Variants in PHF21B observed in about 807,000 individuals in gnomAD.
PHF21B encodes PHD finger protein 4.
PHF21B carries 22 observed loss-of-function variants against 62.2 expected under a neutral mutation model. The ratio of observed to expected loss-of-function variants is 0.35; its 90% CI spans 0.25 to 0.51. PHF21B has a LOEUF of 0.51. PHF21B is among the 20% of genes least tolerant of loss of function. The pLI, the probability that PHF21B is intolerant of heterozygous loss-of-function variation, is 0.97. For missense variants in PHF21B, 701 were observed against 707.9 expected, an observed-to-expected ratio of 0.99 and a Z score of 0.11; for synonymous variants, 341 against 314.7, an observed-to-expected ratio of 1.08 and a Z score of -0.88.
intron 3 of PHF21B, among the ~76,000 whole-genome samples, chr22:44,918,857 T>C (rs2071485492): frequency 6.6e-6 from 1 of 152,218 alleles, no homozygotes; most frequent in African/African-American, 2.4e-5. Flanking sequence ...CCCTGGAGCC[T>C]GCCTTGCTCT....
chr22:44,926,052 C>T (rs188011916), intron 2 of PHF21B, among the ~76,000 whole-genome samples: 11 of 148,102 alleles, frequency 7.4e-5, no homozygotes, highest in Admixed American at 3.4e-4. Context: ...CCACGTGGCC[C>T]GGCCTGCAGT....
At position 44,882,842 on chromosome 22, in the gene PHF21B, C is replaced by T. The variant is rs41278899; in HGVS notation, c.*244G>A. 2 of 489,622 alleles carry T rather than the reference C, an allele frequency of 4.1e-6. No individual in the cohort carries two copies. The highest frequency in any genetic ancestry group is 2.9e-5 in the South Asian group (1 of 33,946). 30.3% of individuals were successfully genotyped at this position (489,622 alleles called of 1,614,324 possible). A position where few individuals can be genotyped will look rare whatever the true frequency, so the allele number is the denominator to read the frequency against. On this transcript the variant is annotated 3_prime_UTR_variant, in exon 13 of 13. Coordinates refer to ENST00000313237, the MANE Select transcript of PHF21B (RefSeq NM_138415.5). Reference sequence around the variant, plus strand: ...GAGGTGGCCGGGGGGAGACTGTGTGCCCCAGCCTGTCGTACCCCACCTGGC... The same window carrying T: ...GAGGTGGCCGGGGGGAGACTGTGTGTCCCAGCCTGTCGTACCCCACCTGGC...
At chr22:44,953,963 G>A (rs1395547372) in intron 2 of PHF21B, among the ~76,000 whole-genome samples, 1 of 152,202 alleles carries the variant, frequency 6.6e-6, no homozygotes, top group Non-Finnish European at 1.5e-5. Flanking sequence ...CTGAAAGGCA[G>A]CTCAGCGTGC....
At chr22:44,971,453 G>A (rs1340925707) in intron 2 of PHF21B, 5 of 152,100 alleles carry the variant, frequency 3.3e-5, no homozygotes, top group South Asian at 2.1e-4. Flanking sequence ...CACAGAGTTG[G>A]GGAGATACTG....
At chr22:45,008,386 T>C in intron 2 of PHF21B, 159 bp downstream of exon 2, 1 of 627,028 alleles carries the variant, frequency 1.6e-6, no homozygotes, top group South Asian at 4.8e-5. Context: ...GCTCTTTCTT[T>C]CCAGGAAAGG....
chr22:44,897,034 G>A (rs111306633), intron 5 of PHF21B, among the ~76,000 whole-genome samples: 9,523 of 151,672 alleles, frequency 0.063, 374 homozygotes, highest in Middle Eastern at 0.11. Flanking sequence ...GCGCACCACC[G>A]TGCCCAGCTA....
chr22:44,964,222 C>T (rs192903102), intron 2 of PHF21B, among the ~76,000 whole-genome samples: 13 of 152,238 alleles, frequency 8.5e-5, no homozygotes, highest in African/African-American at 2.9e-4. Flanking sequence ...TCACCGAGGC[C>T]TCAACCCTCT....
At position 44,916,377 on chromosome 22, in the gene PHF21B, G is replaced by T; in HGVS notation, c.467C>A (p.Ser156Tyr). Residue 156 changes from serine to tyrosine, a missense_variant, in exon 4 of 13, where the codon TCC (serine) becomes TAC (tyrosine). Ser to Tyr is a moderately radical substitution (Grantham distance 144). Coordinates refer to ENST00000313237, the MANE Select transcript of PHF21B (RefSeq NM_138415.5). Reference protein sequence around the residue: ...AGVAYAIISTSPSNAAAMAPS... With the variant: ...AGVAYAIISTYPSNAAAMAPS... ...GGCCATGGCGGCGGCATTGCTGGGG[G>T]AGGTGGAGATGATGGCGTAGGCCAC... 6.3e-7 allele frequency: 1 copy of T among 1,592,326 alleles called. No homozygotes were observed. Among genetic ancestry groups the T allele is most frequent in the Admixed American group, 1.8e-5 (1 of 54,338 alleles).
chr22:44,986,464 T>C lies in PHF21B; in HGVS notation c.120+22081A>G, dbSNP rs145884009. ...CCAGATGCATCCAGAGGTCCTTTCT[T>C]GAGGGTAAGGAGATGCTCCAGGCCT... On this transcript the variant is annotated intron_variant, in intron 2 of 12. Transcript: ENST00000313237. Among the ~76,000 whole-genome samples the C allele has an allele frequency of 1.5e-3, 216 of 146,944 alleles. 1 individual carries two copies. The highest frequency in any genetic ancestry group is 5.2e-3 in the African/African-American group (205 of 39,544).
rs778494733 is a variant in PHF21B, at chr22:44,882,708, C to T, written c.*378G>A. On this transcript the variant is annotated 3_prime_UTR_variant, in exon 13 of 13. Transcript: ENST00000313237. ...TAGGCGGTGCCCTCAGTGGAGACTG[C>T]GTTCTGGGGGGCGTGCTTGTCCCCT... 3.3e-5 allele frequency: 7 copies of T among 212,134 alleles called. No homozygotes were observed. Among genetic ancestry groups the T allele is most frequent in the Non-Finnish European group, 5.6e-5 (6 of 107,050 alleles). 13.1% of individuals were successfully genotyped at this position (212,134 alleles called of 1,614,324 possible).
At chr22:45,007,569 G>A (rs558721608) in intron 2 of PHF21B, among the ~76,000 whole-genome samples, 18,653 of 132,056 alleles carry the variant, frequency 0.14, 1,658 homozygotes, top group African/African-American at 0.16. Context: ...CGCGAAGGAG[G>A]GAGGGAGGGG....
intron 2 of PHF21B, among the ~76,000 whole-genome samples, chr22:44,988,114 T>C (rs1346788150): frequency 6.6e-6 from 1 of 152,226 alleles, no homozygotes; most frequent in Non-Finnish European, 1.5e-5. Context: ...TGGAATACCA[T>C]GAACTAATAT....
At chr22:44,883,370 A>T in intron 12 of PHF21B, 66 bp from the exon 13 acceptor site, 1 of 1,491,492 alleles carries the variant, frequency 6.7e-7, no homozygotes, top group Non-Finnish European at 9.1e-7. Flanking sequence ...TGGGGCAGCC[A>T]CCGTCTGGGC....
intron 2 of PHF21B, chr22:45,003,546 G>A (rs572495417): frequency 6.6e-6 from 1 of 152,486 alleles, no homozygotes; most frequent in Admixed American, 6.5e-5. Flanking sequence ...CCGAGCAGGT[G>A]GGCAGGGCCA....
intron 10 of PHF21B, 46 bp from the exon 11 acceptor site, chr22:44,885,984 C>T: frequency 6.4e-7 from 1 of 1,567,328 alleles, no homozygotes; most frequent in Non-Finnish European, 8.8e-7. Flanking sequence ...GCCCTGGGAC[C>T]TGCTGGGACT....
At chr22:44,921,034 G>C (rs1298616104) in intron 2 of PHF21B, among the ~76,000 whole-genome samples, 1 of 152,216 alleles carries the variant, frequency 6.6e-6, no homozygotes, top group Non-Finnish European at 1.5e-5. Flanking sequence ...TGAATATGGG[G>C]ATCCATGGAC....
At chr22:44,910,180 G>A (rs943059848) in intron 5 of PHF21B, among the ~76,000 whole-genome samples, 4 of 152,182 alleles carry the variant, frequency 2.6e-5, no homozygotes, top group Admixed American at 6.5e-5. Context: ...GGCCCAGGGG[G>A]TCCAGGGCGG....
intron 10 of PHF21B, among the ~76,000 whole-genome samples, chr22:44,886,251 CGACCCCAGGCACGCCAGG>C (rs1305760118): frequency 1.3e-5 from 2 of 152,004 alleles, no homozygotes; most frequent in Non-Finnish European, 2.9e-5. Flanking sequence ...CTGAGGGCAG[CGACCCCAGGCACGCCAGG>C]GACAAATGGA....
intron 2 of PHF21B, among the ~76,000 whole-genome samples, chr22:44,933,014 C>T (rs890425623): frequency 3.9e-5 from 6 of 152,268 alleles, no homozygotes; most frequent in Admixed American, 6.5e-5. Context: ...TAACAAGGCA[C>T]TCGCCAAGGA....
Sources: allele counts gnomAD v4.1 joint callset (sites outside exome capture counted in the v4.1 genomes callset), GRCh38; gene constraint gnomAD v4.1.1; transcripts MANE v1.5; gene names NCBI Gene and HGNC (gene_info 2026-07-23, HGNC 2026-07-21).